Variants in DICER1 observed in about 807,000 individuals in gnomAD.
The protein encoded by DICER1 is dicer 1, ribonuclease III, also known as endoribonuclease Dicer.
A neutral mutation model predicts 194.1 loss-of-function variants in DICER1; 43 were observed. That is an observed-to-expected ratio of 0.22 (90% CI 0.17 to 0.29). DICER1 has a LOEUF of 0.29. DICER1 is among the 10% of genes least tolerant of loss of function. DICER1 has a pLI of 1.00. For missense variants in DICER1, 1,608 were observed against 2,317.0 expected (o/e 0.69, Z 6.28); for synonymous variants, 832 against 820.5 (o/e 1.01, Z -0.24).
At chr14:95,132,456 T>A in intron 3 of DICER1, 59 bp downstream of exon 3, 4 of 1,554,486 alleles carry the variant, frequency 2.6e-6, no homozygotes, top group Non-Finnish European at 3.5e-6. Flanking sequence ...AAAATCTGTT[T>A]AAACATAAAA....
chr14:95,087,537 C>T lies in DICER1; in HGVS notation c.*2961G>A, dbSNP rs1889431171. 1 of 233,130 alleles carries T rather than the reference C, an allele frequency of 4.3e-6. No individual in the cohort carries two copies. The highest frequency in any genetic ancestry group is 8.5e-6 in the Non-Finnish European group (1 of 117,994). The allele number at this position is 233,130 out of a possible 1,614,324, so 14.4% of individuals were successfully genotyped here. On this transcript the variant is annotated 3_prime_UTR_variant, in exon 27 of 27. Transcript: ENST00000343455. Reference sequence around the variant, plus strand: ...TCAAAACAGCAGCAAGGCCAAACCACATTTTTTTCCTCTCTGTTAAGCATA... The same window carrying T: ...TCAAAACAGCAGCAAGGCCAAACCATATTTTTTTCCTCTCTGTTAAGCATA...
At position 95,087,976 on chromosome 14, in the gene DICER1, G is replaced by A; in HGVS notation, c.*2522C>T. ...AAACATTTCAACAAGCTAAACACAG[G>A]AAAACTTTACAGCATTAAAAATCAG... On this transcript the variant is annotated 3_prime_UTR_variant, in exon 27 of 27. Transcript: ENST00000343455. 4.3e-6 allele frequency: 1 copy of A among 232,918 alleles called. No homozygotes were observed. Among genetic ancestry groups the A allele is most frequent in the Non-Finnish European group, 8.5e-6 (1 of 117,900 alleles). 14.4% of individuals were successfully genotyped at this position (232,918 alleles called of 1,614,324 possible).
rs371156380 is a variant in DICER1, at chr14:95,105,298, G to GA, written c.3094-53dup. On this transcript the variant is annotated intron_variant, in intron 19 of 26. Coordinates refer to ENST00000343455, the MANE Select transcript of DICER1 (RefSeq NM_177438.3). This position sits in a 1 kb window ranked among gnomAD's most constrained non-coding sequence, Gnocchi z 4.9. ...ATAAATACAAAGCGCACACACAAAA[G>GA]AAAAAAAAAAAGACCAATTTCACTA... is the stretch of plus-strand genomic sequence containing the variant. The GA allele has an allele frequency of 0.056, 54,377 of 970,926 alleles. No homozygotes were observed. The highest frequency in any genetic ancestry group is 0.06 in the Non-Finnish European group (43,334 of 718,332). The allele number at this position is 970,926 out of a possible 1,614,324, so 60.1% of individuals were successfully genotyped here.
Position 95,103,234 on chromosome 14 carries a change from T to C in DICER1, c.4050+112A>G, listed in dbSNP as rs569768243. Reference sequence around the variant, plus strand: ...AGGGAGCAGCTGTGCTTGGCCGGTGTAGCAATTTCTGAGCATGATACGTTC... The same window carrying C: ...AGGGAGCAGCTGTGCTTGGCCGGTGCAGCAATTTCTGAGCATGATACGTTC... On this transcript the variant is annotated intron_variant, in intron 21 of 26. Coordinates refer to ENST00000343455, the MANE Select transcript of DICER1 (RefSeq NM_177438.3). 1.3e-5 allele frequency: 16 copies of C among 1,221,100 alleles called. No individual in the cohort carries two copies. The South Asian group carries it at 1.8e-4, about 14-fold the overall frequency. The allele number at this position is 1,221,100 out of a possible 1,614,324, so 75.6% of individuals were successfully genotyped here. A position where few individuals can be genotyped will look rare whatever the true frequency, so the allele number is the denominator to read the frequency against.
intron 5 of DICER1, 64 bp from the exon 6 acceptor site, chr14:95,129,696 T>A (rs1429296515): frequency 1.4e-6 from 2 of 1,452,534 alleles, no homozygotes; most frequent in African/African-American, 2.8e-5. Flanking sequence ...AAGAGAGACA[T>A]CGCCATATTA....
At chr14:95,153,521 C>A (rs961575369) in intron 1 of DICER1, among the ~76,000 whole-genome samples, 69 of 152,296 alleles carry the variant, frequency 4.5e-4, no homozygotes, top group African/African-American at 1.5e-3. Context: ...CCATATATTG[C>A]TAATGTTATT....
In DICER1 at chr14:95,090,656, C is replaced by T. The variant is rs2139767181; in HGVS notation, c.5611G>A (p.Glu1871Lys). 6.2e-7 allele frequency: 1 copy of T among 1,614,130 alleles called. No individual in the cohort carries two copies. The part of the protein sequence containing the change: ...EPETAKFSPA[E>K]RTYDGKVRVT... ...CTGACCTTCCCGTCGTAAGTTCTCT[C>T]AGCCGGGCTGTAAAAAATCCAAACA... is the stretch of plus-strand genomic sequence containing the variant. The change falls in exon 27 of 27, where the codon GAG (glutamate) becomes AAG (lysine). Residue 1871 changes from glutamate to lysine, a missense_variant. Glu to Lys is a moderately conservative substitution (Grantham distance 56). Transcript: ENST00000343455.
chr14:95,097,213 A>G (rs1042398306), intron 22 of DICER1, among the ~76,000 whole-genome samples: 1 of 152,234 alleles, frequency 6.6e-6, no homozygotes, highest in African/African-American at 2.4e-5. Flanking sequence ...ATATAATATA[A>G]AAACAGATAA....
chr14:95,095,563 T>C (rs937776418), intron 23 of DICER1: 19 of 480,978 alleles, frequency 4.0e-5, no homozygotes, highest in Non-Finnish European at 6.8e-5. Flanking sequence ...AAGGTTAAAA[T>C]TTCTCTAATT....
At chr14:95,112,412 C>T (rs1315602792) in intron 12 of DICER1, among the ~76,000 whole-genome samples, 165 bp from the exon 13 acceptor site, 1 of 152,116 alleles carries the variant, frequency 6.6e-6, no homozygotes, top group African/African-American at 2.4e-5. Flanking sequence ...ATTCTAATCT[C>T]CATATTTGAA....
intron 17 of DICER1, 22 bp from the exon 18 acceptor site, chr14:95,106,245 AC>A (rs924327584): frequency 3.8e-6 from 6 of 1,579,256 alleles, no homozygotes; most frequent in African/African-American, 1.3e-5. Context: ...AAACAAAAAA[AC>A]AATCAGTTGC....
chr14:95,107,566 A>C, intron 17 of DICER1, 42 bp downstream of exon 17: 1 of 1,609,782 alleles, frequency 6.2e-7, no homozygotes, highest in Non-Finnish European at 8.5e-7. Flanking sequence ...ATCTTTTAAA[A>C]CAAAGTATCA....
intron 8 of DICER1, among the ~76,000 whole-genome samples, chr14:95,119,692 A>G (rs1892776989): frequency 6.6e-6 from 1 of 152,256 alleles, no homozygotes; most frequent in Non-Finnish European, 1.5e-5. Context: ...TTCTGAAACG[A>G]TCTGCAGTGA....
chr14:95,096,703 C>A lies in DICER1; in HGVS notation c.4217G>T (p.Cys1406Phe), dbSNP rs1295287147. 9.3e-6 allele frequency: 15 copies of A among 1,608,176 alleles called. No homozygotes were observed. The highest frequency in any genetic ancestry group is 1.3e-5 in the Non-Finnish European group (15 of 1,176,756). ...ATCCAGTTTGCCATTCGCCAGCATG[C>A]AGTCTTTTGTCTGAAACGAGGGGGA... ...KWEKDEMTKD[C>F]MLANGKLDED... The change falls in exon 23 of 27, where the codon TGC (cysteine) becomes TTC (phenylalanine). Residue 1406 changes from cysteine to phenylalanine, a missense_variant. Cys to Phe is a radical substitution (Grantham distance 205). This residue lies in a region of DICER1 where 164 missense variants were observed against 183.7 expected (regional missense o/e 0.89). Transcript: ENST00000343455.
intron 24 of DICER1, among the ~76,000 whole-genome samples, chr14:95,092,796 TTAAC>T (rs1313643526): frequency 2.0e-5 from 3 of 152,190 alleles, no homozygotes; most frequent in African/African-American, 7.2e-5. Flanking sequence ...AAATCTAATT[TTAAC>T]TAATTCCTCA....
intron 1 of DICER1, chr14:95,137,845 C>T (rs58532636): frequency 0.016 from 2,523 of 154,502 alleles, 61 homozygotes; most frequent in African/African-American, 0.057. Context: ...ACTGCAAAGC[C>T]GCTTGTTTCG....
chr14:95,130,131 G>A lies in DICER1; in HGVS notation c.500C>T (p.Ser167Leu). ...ATCAAACACCAAAAGGTTAATGTCT[G>A]ACAGTGATAAGTAACCATTTTTCAA... ...NVLKNGYLSL[S>L]DINLLVFDEC... Residue 167 changes from serine to leucine, a missense_variant, in exon 5 of 27, where the codon TCA becomes TTA. Around this residue, in one of 10 missense-constraint regions of DICER1, gnomAD observed 657 missense variants for 910.1 expected, o/e 0.72. Transcript: ENST00000343455. The A allele has an allele frequency of 6.2e-7, 1 of 1,613,038 alleles. No individual in the cohort carries two copies. Among genetic ancestry groups the A allele is most frequent in the East Asian group, 2.2e-5 (1 of 44,758 alleles).
At position 95,126,748 on chromosome 14, in the gene DICER1, C is replaced by A. The variant is rs767605412; in HGVS notation, c.735G>T (p.Arg245Ser). 2.5e-6 allele frequency: 4 copies of A among 1,601,852 alleles called. No individual in the cohort carries two copies. The highest frequency in any genetic ancestry group is 2.2e-5 in the East Asian group (1 of 44,552). ...CAATCTCACATGGCTGAGAAGTATACCTTTAACATAAGAAACAAAAGGTAT... is the reference window on the plus strand; with the variant it reads ...CAATCTCACATGGCTGAGAAGTATAACTTTAACATAAGAAACAAAAGGTAT... ...ETATDLVVLD[R>S]YTSQPCEIVV... is the part of the protein sequence containing the mutation. Residue 245 changes from arginine to serine, a missense_variant and splice_region_variant, in exon 7 of 27, where the codon AGG (arginine) becomes AGT (serine). By Grantham distance (110) the Arg-to-Ser change is moderately radical (BLOSUM62 -1). Coordinates refer to ENST00000343455, the MANE Select transcript of DICER1 (RefSeq NM_177438.3).
In DICER1 at chr14:95,103,718, C is replaced by T; in HGVS notation, c.3678G>A (p.Glu1226=). 6.2e-7 allele frequency: 1 copy of T among 1,614,140 alleles called. No individual in the cohort carries two copies. Among genetic ancestry groups the T allele is most frequent in the Non-Finnish European group, 8.5e-7 (1 of 1,180,032 alleles). ...SYSIQNLYSY[E]NQPQPSDECT... ...ATTCATCGCTGGGCTGGGGCTGGTT[C>T]TCGTAACTGTATAAATTCTGAATGG... The change falls in exon 21 of 27, where the codon GAG becomes GAA. Residue 1226 remains glutamate, a synonymous_variant. Coordinates refer to ENST00000343455, the MANE Select transcript of DICER1 (RefSeq NM_177438.3).
Sources: gnomAD v4.1 joint callset for allele counts (sites outside exome capture counted in the v4.1 genomes callset) on GRCh38, gnomAD v4.1.1 for gene constraint, gnomAD v4.1.1 regional missense constraint, Gnocchi (gnomAD v3.1) non-coding constraint, MANE v1.5 for transcripts, NCBI Gene and HGNC (gene_info 2026-07-23, HGNC 2026-07-21) for gene names.